The following SPAG9 variants were observed in gnomAD, a reference collection of about 807,000 sequenced individuals.
SPAG9 encodes the protein sperm associated antigen 9.
In SPAG9, 35 loss-of-function variants were observed where a neutral mutation model predicts 166.5. The ratio of observed to expected loss-of-function variants is 0.21; its 90% CI spans 0.16 to 0.28. SPAG9 has a LOEUF of 0.28. SPAG9 is among the 10% of genes least tolerant of loss of function. The probability of loss-of-function intolerance (pLI) is 1.00; values close to 1 mark genes in which losing one functional copy is unlikely to be tolerated. For synonymous variants in SPAG9, 534 were observed against 565.5 expected (o/e 0.94, Z 0.79); for missense variants, 1,235 against 1,603.3 (o/e 0.77, Z 3.92).
At chr17:51,019,650 C>T (rs970066661) in intron 8 of SPAG9, among the ~76,000 whole-genome samples, 8 of 151,590 alleles carry the variant, frequency 5.3e-5, no homozygotes, top group Non-Finnish European at 7.4e-5. Flanking sequence ...GTTGGGAGTT[C>T]GAGACCAGCC....
chr17:50,967,677 A>G (rs919721361), intron 29 of SPAG9, among the ~76,000 whole-genome samples: 5 of 152,230 alleles, frequency 3.3e-5, no homozygotes, highest in Admixed American at 6.5e-5. Flanking sequence ...CTTGTAAGAA[A>G]ATTATCCTGT....
intron 27 of SPAG9, 41 bp from the exon 28 acceptor site, chr17:50,974,988 A>C (rs766633007): frequency 1.3e-6 from 2 of 1,580,060 alleles, no homozygotes; most frequent in South Asian, 1.1e-5. Context: ...TTCCCCTAGA[A>C]AACAGTAATG....
intron 3 of SPAG9, among the ~76,000 whole-genome samples, chr17:51,056,134 T>C (rs1044968485): frequency 1.3e-5 from 2 of 152,198 alleles, no homozygotes; most frequent in African/African-American, 4.8e-5. Context: ...ACATAGGTTT[T>C]TGCTTAGCCA....
chr17:51,096,040 TATATATATATAGTG>T (rs1568084185), intron 1 of SPAG9, among the ~76,000 whole-genome samples: 1 of 133,552 alleles, frequency 7.5e-6, no homozygotes, highest in African/African-American at 3.0e-5. Flanking sequence ...TATATAGTGA[TATATATATATAGTG>T]ATATATATAT....
intron 1 of SPAG9, among the ~76,000 whole-genome samples, chr17:51,092,056 GAAAAGA>G (rs1487956613): frequency 6.7e-6 from 1 of 148,502 alleles, no homozygotes. Flanking sequence ...AAAAAAGAAA[GAAAAGA>G]AAAAGAATAG....
At chr17:51,005,287 A>G (rs767618846) in intron 11 of SPAG9, 24 bp from the exon 12 acceptor site, 40 of 1,610,746 alleles carry the variant, frequency 2.5e-5, no homozygotes, top group Non-Finnish European at 3.1e-5. Context: ...AACAAAACAA[A>G]ACATGTTATT....
At chr17:51,096,148 C>T (rs973598374) in intron 1 of SPAG9, among the ~76,000 whole-genome samples, 3 of 150,014 alleles carry the variant, frequency 2.0e-5, no homozygotes, top group Non-Finnish European at 3.0e-5. Context: ...GAGTTCGAGA[C>T]CGGCCTTGTC....
At chr17:51,021,094 C>A in intron 7 of SPAG9, 64 bp downstream of exon 7, 1 of 1,380,834 alleles carries the variant, frequency 7.2e-7, no homozygotes, top group Admixed American at 1.7e-5. Context: ...CATATTTTCT[C>A]ATACCCACAT....
chr17:51,098,937 TA>T (rs927926202), intron 1 of SPAG9, among the ~76,000 whole-genome samples: 1 of 151,412 alleles, frequency 6.6e-6, no homozygotes, highest in Non-Finnish European at 1.5e-5. Context: ...CGGTCTCTAC[TA>T]AAAATACAAA....
intron 2 of SPAG9, among the ~76,000 whole-genome samples, chr17:51,079,006 A>C (rs1046542606): frequency 3.3e-5 from 5 of 152,194 alleles, no homozygotes; most frequent in African/African-American, 1.2e-4. Flanking sequence ...GTTAAAGCAT[A>C]ATGTTAACTA....
At position 51,049,909 on chromosome 17, in the gene SPAG9, T is replaced by C. The variant is rs570088177; in HGVS notation, c.496-2440A>G. Among the ~76,000 whole-genome samples the C allele has an allele frequency of 3.3e-5, 5 of 152,338 alleles. No homozygotes were observed. In the East Asian group the frequency reaches 9.7e-4, roughly 29 times the overall value. On this transcript the variant is annotated intron_variant, in intron 3 of 29. Coordinates refer to ENST00000262013, the MANE Select transcript of SPAG9 (RefSeq NM_001130528.3). Reference sequence around the variant, plus strand: ...CACGGCGCCCAGCCGTGAATTCTTATATACACTGGATAGTAAAGTAATTGT... The same window carrying C: ...CACGGCGCCCAGCCGTGAATTCTTACATACACTGGATAGTAAAGTAATTGT...
chr17:51,034,844 C>T (rs1468476243), intron 5 of SPAG9, among the ~76,000 whole-genome samples: 1 of 152,058 alleles, frequency 6.6e-6, no homozygotes, highest in African/African-American at 2.4e-5. Flanking sequence ...GTTATATTCT[C>T]GCCAAAAATA....
chr17:51,005,556 A>G (rs1197094230), intron 11 of SPAG9, among the ~76,000 whole-genome samples: 1 of 152,268 alleles, frequency 6.6e-6, no homozygotes. Context: ...GACATAAAAA[A>G]TAACAATATT....
At chr17:51,015,274 T>C (rs1348526214) in intron 8 of SPAG9, among the ~76,000 whole-genome samples, 1 of 151,838 alleles carries the variant, frequency 6.6e-6, no homozygotes, top group Non-Finnish European at 1.5e-5. Context: ...GCCTAGGACT[T>C]GAAGGTACCA....
chr17:51,007,191 T>C (rs959929916), intron 10 of SPAG9, 78 bp downstream of exon 10: 4 of 792,030 alleles, frequency 5.1e-6, no homozygotes, highest in Non-Finnish European at 8.4e-6. Flanking sequence ...ATTAGTATTA[T>C]GTTAAAACGA....
chr17:51,071,610 T>C (rs2047822038), intron 2 of SPAG9, among the ~76,000 whole-genome samples: 1 of 152,232 alleles, frequency 6.6e-6, no homozygotes, highest in Non-Finnish European at 1.5e-5. Context: ...AAACATATTA[T>C]AGACTCAACT....
chr17:51,066,573 A>G (rs2047676154), intron 2 of SPAG9, among the ~76,000 whole-genome samples: 1 of 149,718 alleles, frequency 6.7e-6, no homozygotes, highest in Non-Finnish European at 1.5e-5. Context: ...AAAAGAAAAA[A>G]AAAAAAAAGA....
chr17:50,981,582 C>T (rs1320457672), intron 25 of SPAG9, among the ~76,000 whole-genome samples: 1 of 151,970 alleles, frequency 6.6e-6, no homozygotes, highest in East Asian at 1.9e-4. Context: ...AAAAAACAAA[C>T]ACCAAATGGT....
At position 51,034,373 on chromosome 17, in the gene SPAG9, CTT is replaced by C. The variant is rs1172694343; in HGVS notation, c.742-2653_742-2652del. ...TCTCCCAAAAAATGTGCCAGAGCTC[CTT>C]TGAGAAGTAGTCCAATTTTTAAGAG... is the stretch of plus-strand genomic sequence containing the variant. On this transcript the variant is annotated intron_variant, in intron 5 of 29. Coordinates refer to ENST00000262013, the MANE Select transcript of SPAG9 (RefSeq NM_001130528.3). Among the ~76,000 whole-genome samples the C allele has an allele frequency of 2.0e-5, 3 of 152,144 alleles. No homozygotes were observed. The East Asian group carries it at 5.8e-4, about 29-fold the overall frequency.
Sources: gnomAD v4.1 joint callset for allele counts (sites outside exome capture counted in the v4.1 genomes callset) on GRCh38, gnomAD v4.1.1 for gene constraint, MANE v1.5 for transcripts, NCBI Gene and HGNC (gene_info 2026-07-23, HGNC 2026-07-21) for gene names.